The following CDC42SE2 variants were observed in gnomAD, a reference collection of about 807,000 sequenced individuals.
CDC42SE2 encodes the protein CDC42 small effector protein 2.
Under a neutral mutation model 11.5 loss-of-function variants are expected in CDC42SE2, and 3 were observed. The ratio of observed to expected loss-of-function variants is 0.26; its 90% CI spans 0.12 to 0.67. The LOEUF is 0.67. Among genes scored for constraint, CDC42SE2 ranks in the 30% least tolerant of loss-of-function variants. CDC42SE2 has a pLI of 0.80. For missense variants in CDC42SE2, 82 were observed against 106.8 expected (o/e 0.77, Z 1.02); for synonymous variants, 33 against 34.8 (o/e 0.95, Z 0.18).
intron 4 of CDC42SE2, among the ~76,000 whole-genome samples, chr5:131,387,842 T>G (rs1175428527): frequency 6.6e-6 from 1 of 152,170 alleles, no homozygotes. Flanking sequence ...AGTGGACTTT[T>G]TATGAAGTAT....
chr5:131,341,791 C>T lies in CDC42SE2; in HGVS notation c.-285-17418C>T, dbSNP rs373521711. On this transcript the variant is annotated intron_variant, in intron 2 of 4. Coordinates refer to ENST00000505065, the MANE Select transcript of CDC42SE2 (RefSeq NM_001375635.1). ...AAAGATTATTTAAGAAAAGATAGGACGGCTGAGGTAGGAGAATCGTTTGAA... is the reference window on the plus strand; with the variant it reads ...AAAGATTATTTAAGAAAAGATAGGATGGCTGAGGTAGGAGAATCGTTTGAA... Among the ~76,000 whole-genome samples, 24 of 151,632 alleles carry T rather than the reference C, an allele frequency of 1.6e-4. No homozygotes were observed. The South Asian group carries it at 2.1e-3, about 13-fold the overall frequency.
intron 2 of CDC42SE2, among the ~76,000 whole-genome samples, chr5:131,330,726 G>T (rs1758403226): frequency 6.6e-6 from 1 of 151,874 alleles, no homozygotes; most frequent in African/African-American, 2.4e-5. Flanking sequence ...GTACTATCTG[G>T]GCTGGGTGCA....
chr5:131,310,078 G>T (rs1561579848), intron 1 of CDC42SE2, among the ~76,000 whole-genome samples: 1 of 151,926 alleles, frequency 6.6e-6, no homozygotes, highest in Non-Finnish European at 1.5e-5. Flanking sequence ...TCTGTTGTGG[G>T]CATTTAGTGC....
intron 2 of CDC42SE2, among the ~76,000 whole-genome samples, chr5:131,340,000 A>T (rs924387074): frequency 2.0e-5 from 3 of 152,160 alleles, no homozygotes; most frequent in Non-Finnish European, 4.4e-5. Flanking sequence ...CTATCACAAA[A>T]AAAGAATTTT....
At chr5:131,372,585 G>A (rs1344163731) in intron 3 of CDC42SE2, among the ~76,000 whole-genome samples, 1 of 151,962 alleles carries the variant, frequency 6.6e-6, no homozygotes, top group African/African-American at 2.4e-5. Context: ...GTGGTGGCAC[G>A]CACCTGTAGT....
At chr5:131,265,339 A>G (rs1756837625) in intron 1 of CDC42SE2, among the ~76,000 whole-genome samples, 1 of 152,156 alleles carries the variant, frequency 6.6e-6, no homozygotes, top group Non-Finnish European at 1.5e-5. Context: ...GTGGGATTGT[A>G]TTTTGAAACC....
intron 2 of CDC42SE2, chr5:131,354,589 A>G (rs1235778071): frequency 2.0e-5 from 3 of 152,156 alleles, no homozygotes; most frequent in Admixed American, 2.0e-4. Context: ...TGAAGCTGTC[A>G]TTCATTTTGT....
chr5:131,369,676 G>A (rs1049612432), intron 3 of CDC42SE2, among the ~76,000 whole-genome samples: 4 of 152,064 alleles, frequency 2.6e-5, no homozygotes, highest in Admixed American at 6.5e-5. Flanking sequence ...ATATGAGAGT[G>A]AACAGTAACT....
the CDC42SE2 span, among the ~76,000 whole-genome samples, chr5:131,214,380 G>GA: frequency 2.0e-5 from 3 of 151,728 alleles, no homozygotes; most frequent in African/African-American, 7.3e-5. Flanking sequence ...ATCTCCAGAA[G>GA]AAAAAAAATT....
chr5:131,352,165 C>T (rs557198164), intron 2 of CDC42SE2, among the ~76,000 whole-genome samples: 1 of 152,260 alleles, frequency 6.6e-6, no homozygotes, highest in Non-Finnish European at 1.5e-5. Context: ...TAAGGAATAA[C>T]TGGAACTCTC....
chr5:131,306,097 TA>T (rs1757772129), intron 1 of CDC42SE2, among the ~76,000 whole-genome samples: 1 of 152,202 alleles, frequency 6.6e-6, no homozygotes, highest in South Asian at 2.1e-4. Flanking sequence ...TTCCACAAAA[TA>T]AACAATTCTT....
the CDC42SE2 span, among the ~76,000 whole-genome samples, chr5:131,232,752 A>C: frequency 3.3e-5 from 5 of 149,710 alleles, no homozygotes; most frequent in Admixed American, 6.6e-5. Flanking sequence ...AAAAAAAAAA[A>C]AAACAAAACA....
intron 3 of CDC42SE2, among the ~76,000 whole-genome samples, chr5:131,382,512 T>G (rs1245423175): frequency 2.0e-5 from 3 of 152,184 alleles, no homozygotes; most frequent in African/African-American, 7.2e-5. Flanking sequence ...TGAGAACTGT[T>G]AGGAGTTGCT....
At chr5:131,292,108 G>A (rs545994443) in intron 1 of CDC42SE2, among the ~76,000 whole-genome samples, 6 of 151,582 alleles carry the variant, frequency 4.0e-5, no homozygotes, top group South Asian at 4.2e-4. Context: ...GCATGGTGGC[G>A]CATGCCTGTT....
the CDC42SE2 span, among the ~76,000 whole-genome samples, chr5:131,219,661 G>T: frequency 6.6e-6 from 1 of 152,176 alleles, no homozygotes; most frequent in Non-Finnish European, 1.5e-5. Flanking sequence ...AAGAGGCGAG[G>T]CATGGTGGCC....
chr5:131,328,287 C>G (rs986433884), intron 2 of CDC42SE2, among the ~76,000 whole-genome samples: 2 of 152,074 alleles, frequency 1.3e-5, no homozygotes, highest in Non-Finnish European at 2.9e-5. Flanking sequence ...TAATATTAAT[C>G]TTATTCTTTT....
intron 2 of CDC42SE2, among the ~76,000 whole-genome samples, chr5:131,330,170 G>A (rs1422315565): frequency 6.6e-6 from 1 of 152,144 alleles, no homozygotes; most frequent in African/African-American, 2.4e-5. Flanking sequence ...GGAAGGCTAA[G>A]CTCAGTTGGG....
intron 1 of CDC42SE2, among the ~76,000 whole-genome samples, chr5:131,315,768 CA>C (rs1758028414): frequency 6.6e-6 from 1 of 152,098 alleles, no homozygotes; most frequent in Non-Finnish European, 1.5e-5. Flanking sequence ...GTGGAAGCAA[CA>C]ATAAATTTAT....
At chr5:131,274,812 G>T (rs528856664) in intron 1 of CDC42SE2, among the ~76,000 whole-genome samples, 1 of 152,222 alleles carries the variant, frequency 6.6e-6, no homozygotes, top group African/African-American at 2.4e-5. Flanking sequence ...AGTGCTAGTA[G>T]GAATAGAGCT....
Sources: gnomAD v4.1 joint callset for allele counts (sites outside exome capture counted in the v4.1 genomes callset) on GRCh38, gnomAD v4.1.1 for gene constraint, MANE v1.5 for transcripts, NCBI Gene and HGNC (gene_info 2026-07-23, HGNC 2026-07-21) for gene names.